The following NPAT variants were observed in gnomAD, a reference collection of about 807,000 sequenced individuals.
The protein encoded by NPAT is nuclear protein, coactivator of histone transcription, also known as protein NPAT.
A neutral mutation model predicts 130.7 loss-of-function variants in NPAT; 52 were observed. The ratio of observed to expected loss-of-function variants is 0.40; its 90% confidence interval spans 0.32 to 0.50. The LOEUF is 0.50. Ranked by LOEUF, NPAT falls within the 20% of genes least tolerant of loss-of-function variation. NPAT has a pLI of 0.68. For synonymous variants in NPAT, 580 were observed against 584.8 expected, an observed-to-expected ratio of 0.99 and a Z score of 0.12; for missense variants, 1,687 against 1,662.6, an observed-to-expected ratio of 1.01 and a Z score of -0.26.
chr11:108,202,281 G>A (rs1338265431), intron 1 of NPAT, among the ~76,000 whole-genome samples: 1 of 151,998 alleles, frequency 6.6e-6, no homozygotes, highest in Non-Finnish European at 1.5e-5. Context: ...CATTGTAAAG[G>A]CCACCAAAAG....
chr11:108,172,288 G>A lies in NPAT; in HGVS notation c.2696C>T (p.Ala899Val). 5.6e-6 allele frequency: 9 copies of A among 1,614,098 alleles called. No individual in the cohort carries two copies. The highest frequency in any genetic ancestry group is 7.6e-6 in the Non-Finnish European group (9 of 1,179,940). Residue 899 changes from alanine to valine, a missense_variant, in exon 13 of 18, where the codon GCT becomes GTT. By Grantham distance (64) the Ala-to-Val change is moderately conservative. Transcript: ENST00000278612. ...VLPGNSAPMT[A>V]QPLPPQLQTP... ...CTGTAACTGAGGTGGTAGAGGTTGA[G>A]CAGTCATAGGTGCAGAATTTCCAGG...
Position 108,193,983 on chromosome 11 carries a change from T to C in NPAT, c.191A>G (p.Asn64Ser), listed in dbSNP as rs1158201608. 5.4e-5 allele frequency: 85 copies of C among 1,579,408 alleles called. No individual in the cohort carries two copies. The highest frequency in any genetic ancestry group is 1.7e-4 in the Middle Eastern group (1 of 6,002). ...LFGKNLTTILNEYVAMKTKET... is the reference protein window; with the variant it reads ...LFGKNLTTILSEYVAMKTKET... ...TTTTGTTTTCATAGCTACATACTCATTTAAAATTGTTGTCAAGTTTTTTCC... is the reference window on the plus strand; with the variant it reads ...TTTTGTTTTCATAGCTACATACTCACTTAAAATTGTTGTCAAGTTTTTTCC... The change falls in exon 3 of 18, where the codon AAT (asparagine) becomes AGT (serine). Residue 64 changes from asparagine to serine, a missense_variant. Physicochemically the swap from Asn to Ser is conservative, Grantham distance 46. This residue lies in a region of NPAT where 307 missense variants were observed against 298.9 expected (regional missense o/e 1.03). Transcript: ENST00000278612.
rs373119424 is a variant in NPAT, at chr11:108,158,006, A to G, written c.*936T>C. The G allele has an allele frequency of 1.3e-5, 2 of 152,512 alleles. No individual in the cohort carries two copies. Among genetic ancestry groups the G allele is most frequent in the East Asian group, 1.9e-4 (1 of 5,204 alleles). 9.4% of individuals were successfully genotyped at this position (152,512 alleles called of 1,614,324 possible). A position where few individuals can be genotyped will look rare whatever the true frequency, so the allele number is the denominator to read the frequency against. Reference sequence around the variant, plus strand: ...ATATAAAACTATGATTTCTCTTTTTACATCTTATGATGGACACAACACCAG... The same window carrying G: ...ATATAAAACTATGATTTCTCTTTTTGCATCTTATGATGGACACAACACCAG... On this transcript the variant is annotated 3_prime_UTR_variant, in exon 18 of 18. Coordinates refer to ENST00000278612, the MANE Select transcript of NPAT (RefSeq NM_002519.3).
At chr11:108,191,360 A>G (rs1166591858) in intron 4 of NPAT, among the ~76,000 whole-genome samples, 1 of 152,224 alleles carries the variant, frequency 6.6e-6, no homozygotes, top group Non-Finnish European at 1.5e-5. Context: ...TAATTCTTTT[A>G]GTATGAATTA....
intron 2 of NPAT, among the ~76,000 whole-genome samples, chr11:108,194,632 G>A (rs79532735): frequency 0.011 from 1,684 of 152,202 alleles, 38 homozygotes; most frequent in African/African-American, 0.038. Flanking sequence ...AGACATCTTC[G>A]TTGTCACCAG....
intron 1 of NPAT, chr11:108,208,608 G>C (rs2078352776): frequency 2.9e-6 from 1 of 339,954 alleles, no homozygotes; most frequent in Non-Finnish European, 5.8e-6. Context: ...AAAAGAGAGA[G>C]AGAGAAATAA....
intron 1 of NPAT, among the ~76,000 whole-genome samples, chr11:108,199,969 T>C (rs1271928439): frequency 1.3e-5 from 2 of 152,182 alleles, no homozygotes; most frequent in African/African-American, 2.4e-5. Context: ...GATAATATTA[T>C]TGAGTGGAAT....
chr11:108,219,972 G>A (rs931853454), intron 1 of NPAT, among the ~76,000 whole-genome samples: 3 of 152,212 alleles, frequency 2.0e-5, no homozygotes, highest in African/African-American at 4.8e-5. Context: ...GAATAGAAGT[G>A]TACTAGGAAG....
chr11:108,171,175 G>A (rs368454885), intron 13 of NPAT: 1 of 125,742 alleles, frequency 8.0e-6, no homozygotes, highest in East Asian at 2.4e-4. Flanking sequence ...CTGTCACCCA[G>A]GCTGAAGTGC....
intron 1 of NPAT, among the ~76,000 whole-genome samples, chr11:108,210,008 AAATG>A (rs1189373971): frequency 6.6e-6 from 1 of 151,862 alleles, no homozygotes. Flanking sequence ...AAATAGAGAA[AAATG>A]AATAAAAACA....
At position 108,172,726 on chromosome 11, in the gene NPAT, T is replaced by C. The variant is rs780496583; in HGVS notation, c.2258A>G (p.Asp753Gly). ...AGAAACAGCACTGGTAAGTTCAGTA[T>C]CTGAGGAAACAAATGGATCATCACT... The part of the protein sequence containing the change: ...IISDDPFVSS[D>G]TELTSAVSSI... Residue 753 changes from aspartate to glycine, a missense_variant, in exon 13 of 18, where the codon GAT (aspartate) becomes GGT (glycine). Asp to Gly is a moderately conservative substitution (Grantham distance 94, BLOSUM62 -1). This residue lies in a region of NPAT where 1,379 missense variants were observed against 1,346.6 expected (regional missense o/e 1.02). Coordinates refer to ENST00000278612, the MANE Select transcript of NPAT (RefSeq NM_002519.3). 2.5e-6 allele frequency: 4 copies of C among 1,613,472 alleles called. No individual in the cohort carries two copies. The highest frequency in any genetic ancestry group is 1.7e-6 in the Non-Finnish European group (2 of 1,180,024).
intron 10 of NPAT, among the ~76,000 whole-genome samples, chr11:108,184,593 C>T (rs546561410): frequency 3.3e-5 from 5 of 152,016 alleles, no homozygotes; most frequent in Admixed American, 6.6e-5. Flanking sequence ...AGCAGTGGTG[C>T]GATCCCCGCT....
Position 108,169,621 on chromosome 11 carries a change from A to C in NPAT, c.3010+123T>G. Reference sequence around the variant, plus strand: ...CTGCATTATGACATCTGTTACTAGCAAATGTAGGGTGATCACTTGTTTTAA... The same window carrying C: ...CTGCATTATGACATCTGTTACTAGCCAATGTAGGGTGATCACTTGTTTTAA... On this transcript the variant is annotated intron_variant, in intron 15 of 17. Transcript: ENST00000278612. 3 of 760,188 alleles carry C rather than the reference A, an allele frequency of 3.9e-6. No homozygotes were observed. The Admixed American group carries it at 6.2e-5, about 16-fold the overall frequency. 47.1% of individuals were successfully genotyped at this position (760,188 alleles called of 1,614,324 possible). A position where few individuals can be genotyped will look rare whatever the true frequency, so the allele number is the denominator to read the frequency against.
chr11:108,170,428 T>C (rs1346222761), intron 13 of NPAT, among the ~76,000 whole-genome samples: 1 of 152,166 alleles, frequency 6.6e-6, no homozygotes, highest in African/African-American at 2.4e-5. Flanking sequence ...GTCTGAACCT[T>C]ACACCAGAAA....
chr11:108,187,129 G>A (rs7118967), intron 7 of NPAT, among the ~76,000 whole-genome samples: 92,147 of 151,946 alleles, frequency 0.61, 28,166 homozygotes, highest in Middle Eastern at 0.76. Context: ...TAAAAAGTCA[G>A]GGTTCCTATA....
intron 7 of NPAT, among the ~76,000 whole-genome samples, chr11:108,187,032 A>G (rs1338184410): frequency 6.6e-6 from 1 of 152,142 alleles, no homozygotes; most frequent in East Asian, 1.9e-4. Context: ...GCAAGCTCTG[A>G]CTCTCTAACC....
intron 12 of NPAT, among the ~76,000 whole-genome samples, chr11:108,175,780 G>A (rs1298703994): frequency 1.3e-5 from 2 of 152,184 alleles, no homozygotes; most frequent in African/African-American, 2.4e-5. Flanking sequence ...CAAAAAACAT[G>A]TGCCTTAATA....
chr11:108,217,258 G>A (rs926383311), intron 1 of NPAT, among the ~76,000 whole-genome samples: 1 of 152,150 alleles, frequency 6.6e-6, no homozygotes, highest in Non-Finnish European at 1.5e-5. Flanking sequence ...TAAGCTGCTG[G>A]GATAGGCTCT....
chr11:108,172,402 C>T lies in NPAT; in HGVS notation c.2582G>A (p.Gly861Asp), dbSNP rs1399145685. ...AGCTATCAGAATGTTATTTGAATTG[C>T]CAAAAGCTGTGCTTGTGGCTGGCAT... The part of the protein sequence containing the change: ...QLMPATSTAF[G>D]NSNNILIATC... The change falls in exon 13 of 18, where the codon GGC (glycine) becomes GAC (aspartate). Residue 861 changes from glycine to aspartate, a missense_variant. Gly to Asp is a moderately conservative substitution (Grantham distance 94, BLOSUM62 -1). Coordinates refer to ENST00000278612, the MANE Select transcript of NPAT (RefSeq NM_002519.3). The T allele has an allele frequency of 6.2e-7, 1 of 1,614,188 alleles. No individual in the cohort carries two copies.
Sources: allele counts gnomAD v4.1 joint callset (sites outside exome capture counted in the v4.1 genomes callset), GRCh38; gene constraint gnomAD v4.1.1; regional missense constraint gnomAD v4.1.1; transcripts MANE v1.5; gene names NCBI Gene and HGNC (gene_info 2026-07-23, HGNC 2026-07-21).